The following FARP2 variants were observed in gnomAD, a reference collection of about 807,000 sequenced individuals.
The protein encoded by FARP2 is FERM, ARHGEF and pleckstrin domain-containing protein 2.
In FARP2, 111 loss-of-function variants were observed where a neutral mutation model predicts 130.5. The ratio of observed to expected loss-of-function variants is 0.85; its 90% confidence interval spans 0.73 to 1.00. The LOEUF is 1.00. FARP2 is among the 50% of genes least tolerant of loss of function. The probability of loss-of-function intolerance (pLI) is 0.00; values close to 1 mark genes in which losing one functional copy is unlikely to be tolerated. For missense variants in FARP2, 1,385 were observed against 1,346.3 expected, an observed-to-expected ratio of 1.03 and a Z score of -0.45; for synonymous variants, 504 against 516.9, an observed-to-expected ratio of 0.98 and a Z score of 0.34.
chr2:241,485,485 C>T (rs1231242648), intron 21 of FARP2, among the ~76,000 whole-genome samples: 1 of 147,216 alleles, frequency 6.8e-6, no homozygotes, highest in Non-Finnish European at 1.5e-5. Context: ...ATCGGCTTCT[C>T]CCTCCCTCCC....
intron 12 of FARP2, among the ~76,000 whole-genome samples, chr2:241,437,845 T>G (rs2063281990): frequency 6.6e-6 from 1 of 151,890 alleles, no homozygotes; most frequent in South Asian, 2.1e-4. Context: ...GTTTGTATTT[T>G]TAGTAGAGAC....
intron 12 of FARP2, among the ~76,000 whole-genome samples, chr2:241,438,476 G>C (rs2063299004): frequency 6.6e-6 from 1 of 152,050 alleles, no homozygotes; most frequent in Non-Finnish European, 1.5e-5. Context: ...AGGATCACTT[G>C]AGCCCAGGAG....
chr2:241,368,107 A>C (rs2061352763), intron 1 of FARP2, among the ~76,000 whole-genome samples: 1 of 152,038 alleles, frequency 6.6e-6, no homozygotes, highest in African/African-American at 2.4e-5. Flanking sequence ...TAAAATGGAA[A>C]TGACATGTCA....
chr2:241,382,290 CTA>C lies in FARP2; in HGVS notation c.183+9002_183+9003del, dbSNP rs1491076227. On this transcript the variant is annotated intron_variant, in intron 2 of 26. Transcript: ENST00000264042. ...TATTTTCAGTTTCTCTGTACAAAAT[CTA>C]TTTTTTTTTTTTTTTTTTTTGAGGC... Among the ~76,000 whole-genome samples the C allele has an allele frequency of 1.3e-3, 169 of 127,196 alleles. 1 individual carries two copies. The highest frequency in any genetic ancestry group is 2.4e-3 in the Non-Finnish European group (141 of 58,526). The allele number at this position is 127,196 out of a possible 152,430, so 83.4% of individuals were successfully genotyped here.
At chr2:241,493,213 C>CGTT in intron 25 of FARP2, 80 bp from the exon 26 acceptor site, 1 of 1,495,406 alleles carries the variant, frequency 6.7e-7, no homozygotes, top group East Asian at 2.3e-5. Context: ...TACGTGCCAC[C>CGTT]GTTGTGCAGG....
Position 241,475,019 on chromosome 2 carries a change from C to G in FARP2, c.2132-838C>G, listed in dbSNP as rs2064420676. ...AACTTTGTGTTTTAAGTTTCCTGTCCAGATTATAAACTTTCTCTTATCTTT... is the reference window on the plus strand; with the variant it reads ...AACTTTGTGTTTTAAGTTTCCTGTCGAGATTATAAACTTTCTCTTATCTTT... On this transcript the variant is annotated intron_variant, in intron 18 of 26. Coordinates refer to ENST00000264042, the MANE Select transcript of FARP2 (RefSeq NM_014808.4). This position sits in a 1 kb window ranked among gnomAD's most constrained non-coding sequence, Gnocchi z 4.4. Among the ~76,000 whole-genome samples, 1 of 152,102 alleles carries G rather than the reference C, an allele frequency of 6.6e-6. No individual in the cohort carries two copies. The highest frequency in any genetic ancestry group is 1.5e-5 in the Non-Finnish European group (1 of 68,032).
intron 1 of FARP2, chr2:241,372,572 C>G (rs1407578640): frequency 6.6e-6 from 1 of 152,294 alleles, no homozygotes; most frequent in Non-Finnish European, 1.5e-5. Context: ...ACGAATGCCT[C>G]AGCTCTTGCT....
At chr2:241,442,878 G>A (rs1478373656) in intron 13 of FARP2, 2 of 237,074 alleles carry the variant, frequency 8.4e-6, no homozygotes, top group Non-Finnish European at 1.7e-5. Flanking sequence ...TGTTCATGTT[G>A]ATCTTCAATA....
intron 24 of FARP2, 141 bp downstream of exon 24, chr2:241,491,820 A>G: frequency 1.3e-6 from 1 of 773,634 alleles, no homozygotes. Context: ...TCCCCTTGGT[A>G]GAAGTTGGTA....
intron 2 of FARP2, among the ~76,000 whole-genome samples, chr2:241,380,788 C>T (rs184697251): frequency 2.0e-5 from 3 of 152,146 alleles, no homozygotes; most frequent in Non-Finnish European, 2.9e-5. Context: ...CAGTTCTTCT[C>T]ATCCCTCCCC....
At chr2:241,467,813 G>A (rs867238882) in intron 17 of FARP2, among the ~76,000 whole-genome samples, 1 of 152,124 alleles carries the variant, frequency 6.6e-6, no homozygotes, top group Non-Finnish European at 1.5e-5. Context: ...TGTGTCCCAC[G>A]CAGCCAGCTG....
chr2:241,424,269 A>G (rs1012965919), intron 8 of FARP2, among the ~76,000 whole-genome samples: 1 of 152,238 alleles, frequency 6.6e-6, no homozygotes, highest in Non-Finnish European at 1.5e-5. Context: ...AGTCTCTTAC[A>G]CCACAGCACA....
rs1320768422 is a variant in FARP2, at chr2:241,491,504, A to C, written c.2624-12A>C. 2.5e-6 allele frequency: 4 copies of C among 1,612,594 alleles called. No individual in the cohort carries two copies. The highest frequency in any genetic ancestry group is 1.7e-5 in the Admixed American group (1 of 59,958). On this transcript the variant is annotated splice_polypyrimidine_tract_variant and intron_variant, in intron 23 of 26. Coordinates refer to ENST00000264042, the MANE Select transcript of FARP2 (RefSeq NM_014808.4). Reference sequence around the variant, plus strand: ...GGGGGTTCCCCCTGAGACGCTGCTGACTTCTCCCCAGGATCCCCCAACGAG... The same window carrying C: ...GGGGGTTCCCCCTGAGACGCTGCTGCCTTCTCCCCAGGATCCCCCAACGAG...
At chr2:241,434,657 G>C (rs2063174500) in intron 10 of FARP2, among the ~76,000 whole-genome samples, 4 of 152,244 alleles carry the variant, frequency 2.6e-5, no homozygotes, top group African/African-American at 9.6e-5. Context: ...TTCGATATCA[G>C]CCTGGCCAAC....
chr2:241,381,585 T>C (rs1156696122), intron 2 of FARP2, among the ~76,000 whole-genome samples: 1 of 152,156 alleles, frequency 6.6e-6, no homozygotes, highest in African/African-American at 2.4e-5. Flanking sequence ...GGCACTTCAC[T>C]TCTGGGGGCA....
At chr2:241,453,431 G>A (rs537461301) in intron 13 of FARP2, among the ~76,000 whole-genome samples, 1 of 151,780 alleles carries the variant, frequency 6.6e-6, no homozygotes, top group Non-Finnish European at 1.5e-5. Context: ...GACCATCCTG[G>A]CTAACATGGT....
chr2:241,448,795 A>C (rs1239440933), intron 13 of FARP2, among the ~76,000 whole-genome samples: 2 of 152,234 alleles, frequency 1.3e-5, no homozygotes, highest in African/African-American at 4.8e-5. Flanking sequence ...GGAGAGCAGC[A>C]GCGGTGGCTC....
rs1484926871 is a variant in FARP2, at chr2:241,478,868, G to C, written c.2262+2881G>C. On this transcript the variant is annotated intron_variant, in intron 19 of 26. Coordinates refer to ENST00000264042, the MANE Select transcript of FARP2 (RefSeq NM_014808.4). Reference sequence around the variant, plus strand: ...CAGCAATGGCTCTTCTTACAACTATGGGAATGAAGATCAGGCCAAGTTCCT... The same window carrying C: ...CAGCAATGGCTCTTCTTACAACTATCGGAATGAAGATCAGGCCAAGTTCCT... 3 of 384,516 alleles carry C rather than the reference G, an allele frequency of 7.8e-6. No homozygotes were observed. The Admixed American group carries it at 1.1e-4, about 14-fold the overall frequency. 23.8% of individuals were successfully genotyped at this position (384,516 alleles called of 1,614,324 possible). A position where few individuals can be genotyped will look rare whatever the true frequency, so the allele number is the denominator to read the frequency against.
intron 8 of FARP2, among the ~76,000 whole-genome samples, chr2:241,422,503 A>G (rs934165143): frequency 6.6e-6 from 1 of 152,200 alleles, no homozygotes; most frequent in Admixed American, 6.5e-5. Flanking sequence ...ATAAACCCAC[A>G]GAGATGAGAA....
Sources: gnomAD v4.1 joint callset for allele counts (sites outside exome capture counted in the v4.1 genomes callset) on GRCh38, gnomAD v4.1.1 for gene constraint, Gnocchi (gnomAD v3.1) non-coding constraint, MANE v1.5 for transcripts, NCBI Gene and HGNC (gene_info 2026-07-23, HGNC 2026-07-21) for gene names.